PTPRD: variants seen among roughly 807,000 people sequenced by gnomAD.
The protein encoded by PTPRD is protein tyrosine phosphatase receptor type D, also known as receptor-type tyrosine-protein phosphatase delta.
In PTPRD, 34 loss-of-function variants were observed where a neutral mutation model predicts 214.5. The ratio of observed to expected loss-of-function variants is 0.16; its 90% CI spans 0.12 to 0.21. PTPRD has a LOEUF of 0.21. PTPRD is among the 10% of genes least tolerant of loss of function. The probability of loss-of-function intolerance (pLI) is 1.00; values close to 1 mark genes in which losing one functional copy is unlikely to be tolerated. For missense variants in PTPRD, 2,545 were observed against 2,398.7 expected (o/e 1.06, Z -1.27); for synonymous variants, 1,128 against 845.7 (o/e 1.33, Z -5.79).
intron 10 of PTPRD, among the ~76,000 whole-genome samples, chr9:9,140,961 G>A (rs963278474): frequency 1.3e-5 from 2 of 152,074 alleles, no homozygotes; most frequent in Non-Finnish European, 2.9e-5. Context: ...TTCCCCTGTG[G>A]TTAGAAATTA....
chr9:9,973,733 T>C (rs1461473787), intron 4 of PTPRD, among the ~76,000 whole-genome samples: 1 of 152,206 alleles, frequency 6.6e-6, no homozygotes, highest in Admixed American at 6.5e-5. Context: ...TAAGAAAGGA[T>C]ATATTGGTGT....
At chr9:9,452,189 T>C (rs1198419840) in intron 8 of PTPRD, among the ~76,000 whole-genome samples, 2 of 151,484 alleles carry the variant, frequency 1.3e-5, no homozygotes, top group East Asian at 1.9e-4. Context: ...CAACTTAAGA[T>C]GTGTCATTTA....
intron 11 of PTPRD, among the ~76,000 whole-genome samples, chr9:8,980,859 A>G (rs1237043777): frequency 6.6e-6 from 1 of 152,130 alleles, no homozygotes; most frequent in East Asian, 1.9e-4. Flanking sequence ...GGTTCCAAAC[A>G]GGAAATAAAA....
At chr9:9,838,544 T>C (rs1446499578) in intron 5 of PTPRD, among the ~76,000 whole-genome samples, 3 of 152,260 alleles carry the variant, frequency 2.0e-5, no homozygotes, top group East Asian at 3.9e-4. Flanking sequence ...TTTTCATGTG[T>C]TTTTTGGCTG....
chr9:8,702,767 C>A (rs1488526661), intron 12 of PTPRD, among the ~76,000 whole-genome samples: 2 of 152,278 alleles, frequency 1.3e-5, no homozygotes, highest in South Asian at 4.1e-4. Flanking sequence ...GCCACTACGC[C>A]CAGCGAATTT....
intron 8 of PTPRD, among the ~76,000 whole-genome samples, chr9:9,459,966 A>G (rs1486283496): frequency 6.6e-6 from 1 of 152,112 alleles, no homozygotes; most frequent in Non-Finnish European, 1.5e-5. Context: ...TATAGTAACC[A>G]AAACACCATG....
intron 23 of PTPRD, among the ~76,000 whole-genome samples, chr9:8,502,848 G>GTATATA (rs556444172): frequency 4.4e-4 from 65 of 147,144 alleles, no homozygotes; most frequent in African/African-American, 1.1e-3. Flanking sequence ...ATGTGTGTGT[G>GTATATA]TATATATATA....
intron 2 of PTPRD, among the ~76,000 whole-genome samples, chr9:10,603,654 C>T (rs1448299274): frequency 6.6e-6 from 1 of 151,754 alleles, no homozygotes; most frequent in Non-Finnish European, 1.5e-5. Context: ...TAAGTTAATG[C>T]ATGGAAAGCA....
chr9:8,478,460 C>T (rs150885465), intron 30 of PTPRD, among the ~76,000 whole-genome samples: 108 of 152,156 alleles, frequency 7.1e-4, no homozygotes, highest in Middle Eastern at 3.4e-3. Flanking sequence ...AAACATAAAA[C>T]GGTTGTTATA....
intron 8 of PTPRD, among the ~76,000 whole-genome samples, chr9:9,400,025 A>G (rs1046481645): frequency 2.0e-5 from 3 of 151,838 alleles, no homozygotes; most frequent in African/African-American, 7.2e-5. Context: ...ATAATTATTA[A>G]TACCTATCAT....
intron 4 of PTPRD, among the ~76,000 whole-genome samples, chr9:9,994,422 T>C (rs546192356): frequency 2.0e-5 from 3 of 152,310 alleles, no homozygotes; most frequent in African/African-American, 7.2e-5. Flanking sequence ...TCTTCTCCCA[T>C]ACTGTATATT....
At chr9:8,430,245 T>A (rs1020737273) in intron 35 of PTPRD, among the ~76,000 whole-genome samples, 4 of 152,016 alleles carry the variant, frequency 2.6e-5, no homozygotes, top group African/African-American at 9.7e-5. Flanking sequence ...TAGTGACCAC[T>A]GGGATGCCCA....
intron 10 of PTPRD, among the ~76,000 whole-genome samples, chr9:9,115,805 A>G (rs1245325931): frequency 6.6e-6 from 1 of 152,164 alleles, no homozygotes; most frequent in Non-Finnish European, 1.5e-5. Context: ...TCAGAATAGC[A>G]AAGTCATGGA....
chr9:9,811,981 G>T (rs894869011), intron 5 of PTPRD, among the ~76,000 whole-genome samples: 1 of 152,108 alleles, frequency 6.6e-6, no homozygotes, highest in Non-Finnish European at 1.5e-5. Context: ...AAATGCACCA[G>T]CTACTTCCAC....
At chr9:9,165,881 G>A (rs937080804) in intron 10 of PTPRD, among the ~76,000 whole-genome samples, 3 of 152,210 alleles carry the variant, frequency 2.0e-5, no homozygotes, top group Admixed American at 2.0e-4. Flanking sequence ...TACTGAATGA[G>A]TACAAATTAT....
At chr9:8,478,044 A>G (rs1309423436) in intron 30 of PTPRD, among the ~76,000 whole-genome samples, 1 of 152,176 alleles carries the variant, frequency 6.6e-6, no homozygotes, top group Non-Finnish European at 1.5e-5. Context: ...CAAAGCACCT[A>G]GTATGCCCTC....
chr9:9,514,765 T>C (rs1654998502), intron 8 of PTPRD, among the ~76,000 whole-genome samples: 1 of 152,034 alleles, frequency 6.6e-6, no homozygotes, highest in Admixed American at 6.6e-5. Flanking sequence ...GGACTGTTCC[T>C]CCTGACCGAT....
rs182102020 is a variant in PTPRD at position 10,383,380 on chromosome 9, G to A, written c.-599-42363C>T. On this transcript the variant is annotated intron_variant, in intron 2 of 45. Coordinates refer to ENST00000381196, the MANE Select transcript of PTPRD (RefSeq NM_002839.4). ...TAATGCTCTATGCTCAGGCCCTAAT[G>A]TTCTCATTTCAGTTATGACACATTT... Among the ~76,000 whole-genome samples, 201 of 151,838 alleles carry A rather than the reference G, an allele frequency of 1.3e-3. 2 individuals carry two copies. The highest frequency in any genetic ancestry group is 4.5e-3 in the African/African-American group (188 of 41,482).
At chr9:10,316,215 TAA>T (rs927383203) in intron 3 of PTPRD, among the ~76,000 whole-genome samples, 1 of 149,652 alleles carries the variant, frequency 6.7e-6, no homozygotes, top group African/African-American at 2.4e-5. Context: ...ACATATATGA[TAA>T]AGACGACTGT....
Sources: allele counts gnomAD v4.1 joint callset (sites outside exome capture counted in the v4.1 genomes callset), GRCh38; gene constraint gnomAD v4.1.1; transcripts MANE v1.5; gene names NCBI Gene and HGNC (gene_info 2026-07-23, HGNC 2026-07-21).